Variants in CTDSPL observed in about 807,000 individuals in gnomAD.
CTDSPL encodes CTD small phosphatase like.
Under a neutral mutation model 30.5 loss-of-function variants are expected in CTDSPL, and 8 were observed. That is an observed-to-expected ratio of 0.26 (90% confidence interval 0.15 to 0.47). The LOEUF is 0.47. Ranked by LOEUF, CTDSPL falls within the 20% of genes least tolerant of loss-of-function variation. The pLI is 0.99. For synonymous variants in CTDSPL, 110 were observed against 137.9 expected (o/e 0.80, Z 1.42); for missense variants, 248 against 366.1 (o/e 0.68, Z 2.63).
chr3:37,958,506 A>G (rs543331166), intron 3 of CTDSPL, among the ~76,000 whole-genome samples: 101 of 152,284 alleles, frequency 6.6e-4, no homozygotes, highest in African/African-American at 1.8e-3. Flanking sequence ...TTCCACCTTC[A>G]ATATCACTAT....
intron 1 of CTDSPL, among the ~76,000 whole-genome samples, chr3:37,870,671 C>T (rs905571783): frequency 1.3e-5 from 2 of 152,120 alleles, no homozygotes; most frequent in African/African-American, 4.8e-5. Flanking sequence ...GAGGCTTTCT[C>T]CCTTTCCTAA....
chr3:37,936,951 T>TG, intron 1 of CTDSPL, among the ~76,000 whole-genome samples: 1 of 151,090 alleles, frequency 6.6e-6, no homozygotes, highest in Non-Finnish European at 1.5e-5. Flanking sequence ...AGAAGCTAGT[T>TG]TGAGGGCAGG....
chr3:37,876,750 T>C (rs1248425063), intron 1 of CTDSPL, among the ~76,000 whole-genome samples: 1 of 152,142 alleles, frequency 6.6e-6, no homozygotes, highest in East Asian at 1.9e-4. Flanking sequence ...TCCCAGTCTA[T>C]GGTTTATATT....
chr3:37,918,970 T>C (rs1575297971), intron 1 of CTDSPL, among the ~76,000 whole-genome samples: 2 of 152,214 alleles, frequency 1.3e-5, no homozygotes, highest in East Asian at 3.9e-4. Flanking sequence ...TGGGATTATT[T>C]ATCATGAAAA....
Position 37,975,822 on chromosome 3 carries a change from T to G in CTDSPL, c.633T>G (p.Leu211=). 1 of 1,614,178 alleles carries G rather than the reference T, an allele frequency of 6.2e-7. No homozygotes were observed. Residue 211 remains leucine (L), a synonymous_variant, in exon 7 of 8, where the codon CTT becomes CTG. Transcript: ENST00000273179. The surrounding 1 kb of genome is among the most constrained non-coding windows in gnomAD (Gnocchi z 4.9). The part of the protein sequence containing the change: ...RGNYVKDLSR[L]GRELSKVIIV... ...ACTACGTGAAGGACCTGAGTCGCCT[T>G]GGGCGGGAGCTGAGCAAAGTGATCA...
intron 2 of CTDSPL, among the ~76,000 whole-genome samples, chr3:37,950,884 G>C (rs1406402272): frequency 1.3e-5 from 2 of 152,094 alleles, no homozygotes; most frequent in Admixed American, 1.3e-4. Flanking sequence ...AACACTAAAA[G>C]CCAGAAGACT....
chr3:37,909,604 T>G lies in CTDSPL; in HGVS notation c.80-37453T>G, dbSNP rs1002110028. Among the ~76,000 whole-genome samples the G allele has an allele frequency of 3.3e-5, 5 of 152,244 alleles. 1 individual carries two copies. In the East Asian group the frequency reaches 9.6e-4, roughly 29 times the overall value. On this transcript the variant is annotated intron_variant, in intron 1 of 7. Transcript: ENST00000273179. ...ATATCTGGTAACCAACTTCCTGTTTTTCCCAGTGTGGTGATGTTCCTTTAG... is the reference window on the plus strand; with the variant it reads ...ATATCTGGTAACCAACTTCCTGTTTGTCCCAGTGTGGTGATGTTCCTTTAG...
intron 1 of CTDSPL, among the ~76,000 whole-genome samples, chr3:37,864,373 A>G (rs1308106232): frequency 1.3e-5 from 2 of 152,186 alleles, no homozygotes; most frequent in African/African-American, 4.8e-5. Context: ...TGCTTGTTCT[A>G]TTCAACTTGT....
intron 1 of CTDSPL, among the ~76,000 whole-genome samples, chr3:37,880,984 T>A: frequency 1.4e-5 from 2 of 147,140 alleles, no homozygotes; most frequent in Non-Finnish European, 1.5e-5. Context: ...ACTATTCTAG[T>A]GAAATATACT....
chr3:37,977,222 A>G (rs1017454660), intron 7 of CTDSPL, among the ~76,000 whole-genome samples: 1 of 152,232 alleles, frequency 6.6e-6, no homozygotes, highest in African/African-American at 2.4e-5. Context: ...GTCAGATCTG[A>G]CAAAGTAACA....
intron 1 of CTDSPL, among the ~76,000 whole-genome samples, chr3:37,926,451 G>T (rs1380804023): frequency 6.6e-6 from 1 of 152,162 alleles, no homozygotes; most frequent in African/African-American, 2.4e-5. Context: ...TTTTGGCCTA[G>T]GTGATGTCAG....
intron 1 of CTDSPL, among the ~76,000 whole-genome samples, chr3:37,941,970 G>C (rs1410197775): frequency 6.7e-6 from 1 of 150,258 alleles, no homozygotes; most frequent in East Asian, 1.9e-4. Context: ...TTCAGCCCCA[G>C]AGGGAATTAA....
At chr3:37,976,239 A>G (rs1159999302) in intron 7 of CTDSPL, among the ~76,000 whole-genome samples, 1 of 152,172 alleles carries the variant, frequency 6.6e-6, no homozygotes, top group Non-Finnish European at 1.5e-5. Context: ...TGTTATTGAC[A>G]AGGGTTCTGC....
chr3:37,887,245 A>G (rs922213059), intron 1 of CTDSPL, among the ~76,000 whole-genome samples: 5 of 152,188 alleles, frequency 3.3e-5, no homozygotes, highest in Non-Finnish European at 5.9e-5. Flanking sequence ...CCGTTTGTCA[A>G]GGTGTTTGTG....
chr3:37,945,065 C>T (rs1431551093), intron 1 of CTDSPL, among the ~76,000 whole-genome samples: 1 of 150,320 alleles, frequency 6.7e-6, no homozygotes, highest in East Asian at 1.9e-4. Flanking sequence ...CTGCAGACTG[C>T]TCAGTGTCTC....
intron 2 of CTDSPL, among the ~76,000 whole-genome samples, chr3:37,955,347 G>A (rs1331906392): frequency 1.3e-5 from 2 of 152,184 alleles, no homozygotes; most frequent in Non-Finnish European, 2.9e-5. Flanking sequence ...AGGATGGCTT[G>A]AGCCAGGAGT....
chr3:37,883,784 A>G (rs970836389), intron 1 of CTDSPL, among the ~76,000 whole-genome samples: 1 of 151,990 alleles, frequency 6.6e-6, no homozygotes, highest in African/African-American at 2.4e-5. Context: ...GATTGTTCAG[A>G]TCTTCTCTTT....
At chr3:37,934,242 G>A (rs1453107966) in intron 1 of CTDSPL, among the ~76,000 whole-genome samples, 1 of 151,818 alleles carries the variant, frequency 6.6e-6, no homozygotes, top group Non-Finnish European at 1.5e-5. Context: ...TGAGAAGATG[G>A]CTTGAGCCCA....
intron 1 of CTDSPL, among the ~76,000 whole-genome samples, chr3:37,916,784 A>T (rs967918036): frequency 2.0e-5 from 3 of 152,210 alleles, no homozygotes; most frequent in Admixed American, 6.5e-5. Context: ...ACAGTGCTTT[A>T]TAATGTACAG....
Sources: allele counts gnomAD v4.1 joint callset (sites outside exome capture counted in the v4.1 genomes callset), GRCh38; gene constraint gnomAD v4.1.1; non-coding constraint Gnocchi (gnomAD v3.1); transcripts MANE v1.5; gene names NCBI Gene and HGNC (gene_info 2026-07-23, HGNC 2026-07-21).